The following RBFOX1 variants were observed in gnomAD, a reference collection of about 807,000 sequenced individuals.
RBFOX1 encodes the protein RNA binding protein fox-1 homolog 1.
A neutral mutation model predicts 57.7 loss-of-function variants in RBFOX1; 8 were observed. That is an observed-to-expected ratio of 0.14 (90% CI 0.08 to 0.25). The LOEUF is 0.25. Among genes scored for constraint, RBFOX1 ranks in the 10% least tolerant of loss-of-function variants. The probability of loss-of-function intolerance (pLI) is 1.00; values close to 1 mark genes in which losing one functional copy is unlikely to be tolerated. For missense variants in RBFOX1, 611 were observed against 548.5 expected, an observed-to-expected ratio of 1.11 and a Z score of -1.14; for synonymous variants, 326 against 222.4, an observed-to-expected ratio of 1.47 and a Z score of -4.15.
At chr16:5,871,121 C>T (rs1410818516) in intron 4 of RBFOX1, among the ~76,000 whole-genome samples, 1 of 152,226 alleles carries the variant, frequency 6.6e-6, no homozygotes, top group Non-Finnish European at 1.5e-5. Context: ...TATGCCACCC[C>T]TCCCTGCACC....
At chr16:6,209,895 C>G (rs1478090032) in intron 1 of RBFOX1, among the ~76,000 whole-genome samples, 5 of 152,180 alleles carry the variant, frequency 3.3e-5, no homozygotes, top group African/African-American at 1.2e-4. Context: ...TTGCTTAATT[C>G]CTGCTTAAGC....
intron 3 of RBFOX1, among the ~76,000 whole-genome samples, chr16:5,806,980 C>G (rs1373723965): frequency 1.3e-5 from 2 of 152,156 alleles, no homozygotes; most frequent in Non-Finnish European, 2.9e-5. Context: ...AGAAAAATGT[C>G]TTGCCATGGC....
chr16:7,693,325 G>A (rs900149341), intron 14 of RBFOX1: 7 of 1,612,464 alleles, frequency 4.3e-6, no homozygotes, highest in East Asian at 4.5e-5. Flanking sequence ...AAATCAGTTC[G>A]TCTTCGTTGC....
At chr16:5,259,613 C>T (rs780144635) in intron 1 of RBFOX1, among the ~76,000 whole-genome samples, 3 of 152,074 alleles carry the variant, frequency 2.0e-5, no homozygotes, top group Non-Finnish European at 4.4e-5. Context: ...GGGAGGCCAG[C>T]GTGTGTTGGT....
intron 7 of RBFOX1, among the ~76,000 whole-genome samples, chr16:7,588,229 G>A (rs1357719983): frequency 6.6e-6 from 1 of 152,126 alleles, no homozygotes; most frequent in Non-Finnish European, 1.5e-5. Context: ...GAGAAAAACA[G>A]AAACATTTCT....
At chr16:5,527,771 A>G (rs2044302350) in intron 2 of RBFOX1, among the ~76,000 whole-genome samples, 1 of 152,114 alleles carries the variant, frequency 6.6e-6, no homozygotes, top group African/African-American at 2.4e-5. Context: ...CATCTAAGGG[A>G]CGATCTTTGA....
At chr16:5,512,426 C>T (rs1024630930) in intron 2 of RBFOX1, among the ~76,000 whole-genome samples, 1 of 99,518 alleles carries the variant, frequency 1.0e-5, no homozygotes, top group Admixed American at 8.3e-5. Context: ...CTTTCTCTCT[C>T]TCTCTCTGTC....
chr16:6,000,626 T>A (rs2060581432), intron 4 of RBFOX1, among the ~76,000 whole-genome samples: 1 of 151,996 alleles, frequency 6.6e-6, no homozygotes, highest in African/African-American at 2.4e-5. Context: ...ATTTGTTGAA[T>A]GGATGGATAG....
chr16:6,083,976 CA>C (rs1007283467), intron 1 of RBFOX1, among the ~76,000 whole-genome samples: 1 of 152,096 alleles, frequency 6.6e-6, no homozygotes, highest in African/African-American at 2.4e-5. Context: ...TTTTGTTATT[CA>C]AAAATGATGT....
intron 3 of RBFOX1, among the ~76,000 whole-genome samples, chr16:6,783,541 C>A (rs1011078638): frequency 2.0e-5 from 3 of 151,622 alleles, no homozygotes; most frequent in African/African-American, 7.3e-5. Flanking sequence ...CTAAATTCTA[C>A]GCTTTATCTC....
At chr16:6,228,174 G>A (rs187377802) in intron 1 of RBFOX1, among the ~76,000 whole-genome samples, 2 of 152,162 alleles carry the variant, frequency 1.3e-5, no homozygotes, top group Non-Finnish European at 2.9e-5. Context: ...ATCTAGGCTT[G>A]GTGACACGCG....
chr16:6,957,173 C>G (rs1043220326), intron 3 of RBFOX1, among the ~76,000 whole-genome samples: 2 of 130,328 alleles, frequency 1.5e-5, no homozygotes, highest in Admixed American at 7.7e-5. Flanking sequence ...GCTCTGTCAC[C>G]CAGGCTGCAG....
At chr16:6,116,189 T>C (rs1325454353) in intron 1 of RBFOX1, among the ~76,000 whole-genome samples, 6 of 151,550 alleles carry the variant, frequency 4.0e-5, no homozygotes, top group Admixed American at 3.3e-4. Context: ...GAACACCGTA[T>C]GTCCTCACTC....
rs143934004 is a variant in RBFOX1, at chr16:6,873,425, C to G, written c.-15-178632C>G. On this transcript the variant is annotated intron_variant, in intron 3 of 15. Transcript: ENST00000550418. ...ATTAAAGAAGAAGTGCTCACTATGA[C>G]TACCTATTTCAAATAGGCTTTCAAT... Among the ~76,000 whole-genome samples, 19 of 152,244 alleles carry G rather than the reference C, an allele frequency of 1.2e-4. No homozygotes were observed. In the East Asian group the frequency reaches 3.7e-3, roughly 29 times the overall value.
chr16:7,205,471 C>G (rs912075437), intron 4 of RBFOX1, among the ~76,000 whole-genome samples: 7 of 150,156 alleles, frequency 4.7e-5, no homozygotes, highest in South Asian at 2.1e-4. Context: ...TGAGATCATG[C>G]CATTGCACTC....
chr16:5,351,796 T>G (rs2151317059), intron 1 of RBFOX1, among the ~76,000 whole-genome samples: 1 of 152,256 alleles, frequency 6.6e-6, no homozygotes, highest in Non-Finnish European at 1.5e-5. Context: ...GCTCTAAGTC[T>G]CCATTCTTCT....
rs192730179 is a variant in RBFOX1, at chr16:7,159,028, C to A, written c.27+106930C>A. ...CCCCCCATTTCTCTCACCCCTACCC[C>A]CGTCCCTACCTGCTGGCAACCACTA... On this transcript the variant is annotated intron_variant, in intron 4 of 15. Transcript: ENST00000550418. 8.9e-4 allele frequency among the ~76,000 whole-genome samples: 135 copies of A among 152,018 alleles called. 1 individual carries two copies. The highest frequency in any genetic ancestry group is 1.5e-3 in the Non-Finnish European group (102 of 67,988).
At position 5,331,619 on chromosome 16, in the gene RBFOX1, G is replaced by A. The variant is rs1006557559; in HGVS notation, c.219+91514G>A. 5.3e-5 allele frequency among the ~76,000 whole-genome samples: 8 copies of A among 152,364 alleles called. No homozygotes were observed. In the East Asian group the frequency reaches 5.8e-4, roughly 11 times the overall value. On this transcript the variant is annotated intron_variant, in intron 1 of 2. Coordinates refer to the RBFOX1 transcript ENST00000585867. ...TACATTGGCCAAAGCCAGTCACATG[G>A]CCAAACAAAAATCAAAGGGTGGAGA...
Position 7,253,580 on chromosome 16 carries a change from G to C in RBFOX1, c.27+201482G>C, listed in dbSNP as rs145942904. ...TGAGTCATTTCTGGATGTCTCCTCTGTCTGAATGCTCTCATTTCCAGCCTC... is the reference window on the plus strand; with the variant it reads ...TGAGTCATTTCTGGATGTCTCCTCTCTCTGAATGCTCTCATTTCCAGCCTC... On this transcript the variant is annotated intron_variant, in intron 4 of 15. Transcript: ENST00000550418. Among the ~76,000 whole-genome samples, 85 of 152,216 alleles carry C rather than the reference G, an allele frequency of 5.6e-4. 1 individual carries two copies. Among genetic ancestry groups the C allele is most frequent in the African/African-American group, 2.0e-3 (84 of 41,524 alleles).
Sources: gnomAD v4.1 joint callset for allele counts (sites outside exome capture counted in the v4.1 genomes callset) on GRCh38, gnomAD v4.1.1 for gene constraint, MANE v1.5 for transcripts, NCBI Gene and HGNC (gene_info 2026-07-23, HGNC 2026-07-21) for gene names.